Variants in UBASH3A observed in about 807,000 individuals in gnomAD.
The protein encoded by UBASH3A is ubiquitin associated and SH3 domain containing A.
In UBASH3A, 63 loss-of-function variants were observed where a neutral mutation model predicts 73.5. The ratio of observed to expected loss-of-function variants is 0.86; its 90% CI spans 0.70 to 1.06. The LOEUF is 1.06. Ranked by LOEUF, UBASH3A falls within the 50% of genes least tolerant of loss-of-function variation. UBASH3A has a pLI of 0.00. For missense variants in UBASH3A, 860 were observed against 859.0 expected, an observed-to-expected ratio of 1.00 and a Z score of -0.02; for synonymous variants, 363 against 351.1, an observed-to-expected ratio of 1.03 and a Z score of -0.38.
rs143135698 is a variant in UBASH3A at position 42,443,331 on chromosome 21, G to A, written c.1651G>A (p.Ala551Thr). The A allele has an allele frequency of 8.4e-5, 135 of 1,613,040 alleles. No individual in the cohort carries two copies. In the African/African-American group the frequency reaches 9.1e-4, roughly 11 times the overall value. Reference sequence around the variant, plus strand: ...TTCCAGGCCCGCGTTTCCCCTGTCCGCCCTCATGCCGGCCGAGAGCTACCA... The same window carrying A: ...TTCCAGGCCCGCGTTTCCCCTGTCCACCCTCATGCCGGCCGAGAGCTACCA... ...TDYRPAFPLS[A>T]LMPAESYQEY... The change falls in exon 13 of 15, where the codon GCC (alanine) becomes ACC (threonine). Residue 551 changes from alanine to threonine, a missense_variant. Coordinates refer to ENST00000319294, the MANE Select transcript of UBASH3A (RefSeq NM_018961.4).
intron 1 of UBASH3A, 136 bp downstream of exon 1, chr21:42,404,194 T>G: frequency 2.3e-6 from 1 of 430,528 alleles, no homozygotes; most frequent in Non-Finnish European, 4.0e-6. Context: ...GGTAAGACAC[T>G]GCCTCTTCAC....
rs373568437 is a variant in UBASH3A at position 42,413,417 on chromosome 21, C to T, written c.561C>T (p.Ser187=). 24 of 1,613,106 alleles carry T rather than the reference C, an allele frequency of 1.5e-5. No homozygotes were observed. The highest frequency in any genetic ancestry group is 2.2e-5 in the East Asian group (1 of 44,890). The change falls in exon 5 of 15, where the codon TCC becomes TCT. Residue 187 remains serine (S), a synonymous_variant. Transcript: ENST00000319294. The surrounding 1 kb of genome is among the most constrained non-coding windows in gnomAD (Gnocchi z 4.5). Reference sequence around the variant, plus strand: ...GCACCTGTCCTCACCCAGGCACTTCCGTTTCCCGCTTCTGGATTTTCAGCC... The same window carrying T: ...GCACCTGTCCTCACCCAGGCACTTCTGTTTCCCGCTTCTGGATTTTCAGCC... ...ATEASLLAGT[S]VSRFWIFSQV...
intron 7 of UBASH3A, among the ~76,000 whole-genome samples, chr21:42,423,883 C>G (rs1291530444): frequency 6.6e-6 from 1 of 152,114 alleles, no homozygotes; most frequent in Non-Finnish European, 1.5e-5. Context: ...GGGGGAGCAT[C>G]AAGACACCCT....
intron 7 of UBASH3A, 67 bp downstream of exon 7, chr21:42,418,676 G>A: frequency 1.4e-6 from 2 of 1,444,734 alleles, no homozygotes; most frequent in Non-Finnish European, 1.9e-6. Context: ...GTGCCCACCT[G>A]CCAACAGTGT....
intron 7 of UBASH3A, among the ~76,000 whole-genome samples, chr21:42,424,858 T>C (rs1401239461): frequency 6.6e-6 from 1 of 152,182 alleles, no homozygotes; most frequent in African/African-American, 2.4e-5. Flanking sequence ...TGATCCAATA[T>C]GTCTGGTGTC....
intron 9 of UBASH3A, among the ~76,000 whole-genome samples, chr21:42,432,423 T>C (rs1401071600): frequency 6.6e-6 from 1 of 152,222 alleles, no homozygotes; most frequent in Non-Finnish European, 1.5e-5. Flanking sequence ...TCCAACCTAA[T>C]CTTAACTGAT....
chr21:42,437,678 G>A (rs2053651870), intron 11 of UBASH3A, 98 bp downstream of exon 11: 4 of 1,067,814 alleles, frequency 3.7e-6, no homozygotes, highest in East Asian at 2.4e-5. Flanking sequence ...TGGATGACTG[G>A]CAATGAATGC....
chr21:42,409,441 G>C lies in UBASH3A; in HGVS notation c.187G>C (p.Asp63His). The C allele has an allele frequency of 6.2e-7, 1 of 1,600,486 alleles. No homozygotes were observed. The highest frequency in any genetic ancestry group is 8.5e-7 in the Non-Finnish European group (1 of 1,175,094). ...TTGCAGGCTGCATGATCATTGCAAT[G>C]ACCCTTCCCTAGACGACCCCATCCC... The part of the protein sequence containing the change: ...ALAWLHDHCN[D>H]PSLDDPIPQE... The change falls in exon 3 of 15, where the codon GAC becomes CAC. Residue 63 changes from aspartate to histidine, a missense_variant. Transcript: ENST00000319294.
chr21:42,426,756 G>A lies in UBASH3A; in HGVS notation c.1106G>A (p.Ser369Asn), dbSNP rs573455019. The change falls in exon 8 of 15, where the codon AGC becomes AAC. Residue 369 changes from serine to asparagine, a missense_variant. Coordinates refer to ENST00000319294, the MANE Select transcript of UBASH3A (RefSeq NM_018961.4). The part of the protein sequence containing the change: ...LNSRKDGEAS[S>N]RCSGEFLPQT... ...TCCAGAAAGGATGGTGAAGCCAGCA[G>A]CAGATGCAGCGGGGAATTTCTTCCA... 17 of 1,614,198 alleles carry A rather than the reference G, an allele frequency of 1.1e-5. No individual in the cohort carries two copies. The South Asian group carries it at 1.8e-4, about 17-fold the overall frequency.
At chr21:42,444,111 C>T (rs2053803429) in intron 13 of UBASH3A, among the ~76,000 whole-genome samples, 1 of 152,198 alleles carries the variant, frequency 6.6e-6, no homozygotes, top group African/African-American at 2.4e-5. Flanking sequence ...GAGGGAGACC[C>T]ACTCGGCCTG....
chr21:42,430,317 T>G (rs79775308), intron 8 of UBASH3A, among the ~76,000 whole-genome samples: 1 of 152,202 alleles, frequency 6.6e-6, no homozygotes, highest in Non-Finnish European at 1.5e-5. Context: ...CCTTCCTCCC[T>G]GAGGGTGTTT....
chr21:42,446,770 T>C (rs1233074696), intron 14 of UBASH3A, among the ~76,000 whole-genome samples: 1 of 152,234 alleles, frequency 6.6e-6, no homozygotes, highest in Non-Finnish European at 1.5e-5. Flanking sequence ...CATTGTAGGA[T>C]GTACCACCTT....
At chr21:42,421,114 TC>T in intron 7 of UBASH3A, among the ~76,000 whole-genome samples, 1 of 152,372 alleles carries the variant, frequency 6.6e-6, no homozygotes, top group Non-Finnish European at 1.5e-5. Flanking sequence ...GTGAGCTTTT[TC>T]ACTCTCTTCT....
chr21:42,420,845 A>C (rs1266213042), intron 7 of UBASH3A, among the ~76,000 whole-genome samples: 1 of 152,256 alleles, frequency 6.6e-6, no homozygotes, highest in East Asian at 1.9e-4. Flanking sequence ...ATTTAAGCTC[A>C]ACTGATTAGG....
chr21:42,416,163 C>T (rs2053201232), intron 5 of UBASH3A, among the ~76,000 whole-genome samples: 2 of 152,104 alleles, frequency 1.3e-5, no homozygotes, highest in Admixed American at 6.6e-5. Context: ...ATGGAGGAGC[C>T]GTTTACTCTG....
intron 3 of UBASH3A, chr21:42,410,342 C>T: frequency 1.7e-6 from 1 of 590,574 alleles, no homozygotes; most frequent in Non-Finnish European, 3.0e-6. Flanking sequence ...CGGCCTGGCC[C>T]CAACTCTGCT....
intron 7 of UBASH3A, among the ~76,000 whole-genome samples, chr21:42,421,590 G>C (rs926205704): frequency 6.6e-6 from 1 of 152,192 alleles, no homozygotes; most frequent in Admixed American, 6.5e-5. Context: ...CTGGACATTT[G>C]CTGTGGACTT....
chr21:42,406,758 G>GT (rs35391227), intron 2 of UBASH3A, among the ~76,000 whole-genome samples: 74,755 of 151,938 alleles, frequency 0.49, 18,703 homozygotes, highest in African/African-American at 0.53. Context: ...TAACATTTGG[G>GT]TTTATATTAG....
chr21:42,410,579 A>G (rs2053070530), intron 3 of UBASH3A: 4 of 269,524 alleles, frequency 1.5e-5, no homozygotes, highest in Non-Finnish European at 2.8e-5. Flanking sequence ...CACAAGACTA[A>G]ACCTGGAAAA....
Sources: gnomAD v4.1 joint callset for allele counts (sites outside exome capture counted in the v4.1 genomes callset) on GRCh38, gnomAD v4.1.1 for gene constraint, Gnocchi (gnomAD v3.1) non-coding constraint, MANE v1.5 for transcripts, NCBI Gene and HGNC (gene_info 2026-07-23, HGNC 2026-07-21) for gene names.